ITGA7: variants seen among roughly 807,000 people sequenced by gnomAD.
ITGA7 encodes the protein integrin alpha-7.
A neutral mutation model predicts 131.6 loss-of-function variants in ITGA7; 84 were observed. That is an observed-to-expected ratio of 0.64 (90% confidence interval 0.54 to 0.77). The LOEUF is 0.77. ITGA7 is among the 30% of genes least tolerant of loss of function. The pLI is 0.00. For missense variants in ITGA7, 1,399 were observed against 1,482.9 expected, an observed-to-expected ratio of 0.94 and a Z score of 0.93; for synonymous variants, 548 against 600.7, an observed-to-expected ratio of 0.91 and a Z score of 1.28.
rs1031087026 is a variant in ITGA7, at chr12:55,698,516, A to T, written c.1059T>A (p.Gly353=). Reference sequence around the variant, plus strand: ...CCTGGTTCAAGTACACATACACAGCACCCCCCAGCTCTTCTTGGCGCTCAA... The same window carrying T: ...CCTGGTTCAAGTACACATACACAGCTCCCCCCAGCTCTTCTTGGCGCTCAA... The part of the protein sequence containing the change: ...YFFERQEELG[G]AVYVYLNQGG... The change falls in exon 7 of 25, where the codon GGT becomes GGA. Residue 353 remains glycine (G), a synonymous_variant. Transcript: ENST00000257879. The T allele has an allele frequency of 1.2e-6, 2 of 1,613,580 alleles. No homozygotes were observed. The highest frequency in any genetic ancestry group is 3.3e-5 in the Admixed American group (2 of 59,972).
intron 1 of ITGA7, among the ~76,000 whole-genome samples, chr12:55,705,918 T>G (rs2136091352): frequency 6.6e-6 from 1 of 152,278 alleles, no homozygotes; most frequent in South Asian, 2.1e-4. Flanking sequence ...GCAGGCCACC[T>G]GCAACTCAAA....
At chr12:55,685,998 A>C (rs2135937405) in intron 24 of ITGA7, among the ~76,000 whole-genome samples, 1 of 152,316 alleles carries the variant, frequency 6.6e-6, no homozygotes, top group African/African-American at 2.4e-5. Context: ...CCATGAGCCC[A>C]CCAACCCTTT....
intron 14 of ITGA7, 98 bp from the exon 15 acceptor site, chr12:55,695,068 G>T: frequency 8.1e-7 from 1 of 1,237,244 alleles, no homozygotes; most frequent in Non-Finnish European, 1.1e-6. Flanking sequence ...CACTCCCTGA[G>T]CCTCTCTTCC....
upstream of ITGA7, among the ~76,000 whole-genome samples, chr12:55,715,667 G>C (rs1876460465): frequency 6.6e-6 from 1 of 152,166 alleles, no homozygotes; most frequent in African/African-American, 2.4e-5. Context: ...AAGAAAGAGG[G>C]TTGGGAGAGA....
At chr12:55,699,061 T>C in intron 5 of ITGA7, 144 bp from the exon 6 acceptor site, 1 of 743,174 alleles carries the variant, frequency 1.3e-6, no homozygotes, top group Non-Finnish European at 2.3e-6. Context: ...TCCCCTAGGT[T>C]AAGAGCCAAA....
chr12:55,689,277 G>C (rs754612894), intron 21 of ITGA7, among the ~76,000 whole-genome samples: 1 of 152,156 alleles, frequency 6.6e-6, no homozygotes, highest in African/African-American at 2.4e-5. Context: ...CTTAAGCTTC[G>C]CAATAGTCCT....
At chr12:55,686,633 C>T (rs1040948409) in intron 24 of ITGA7, among the ~76,000 whole-genome samples, 1 of 152,178 alleles carries the variant, frequency 6.6e-6, no homozygotes, top group South Asian at 2.1e-4. Flanking sequence ...ACATAGCCCC[C>T]GATGTGGCAG....
intron 13 of ITGA7, among the ~76,000 whole-genome samples, chr12:55,696,076 T>C (rs1212440218): frequency 6.6e-6 from 1 of 152,218 alleles, no homozygotes; most frequent in Non-Finnish European, 1.5e-5. Context: ...CCCATCAACC[T>C]GAGCCCCCTG....
chr12:55,691,631 G>A (rs1871434076), intron 21 of ITGA7, among the ~76,000 whole-genome samples: 1 of 152,012 alleles, frequency 6.6e-6, no homozygotes, highest in South Asian at 2.1e-4. Flanking sequence ...ATTTTAACAT[G>A]AAAACAAAAA....
upstream of ITGA7, chr12:55,716,357 C>T: frequency 6.9e-7 from 1 of 1,455,060 alleles, no homozygotes; most frequent in Non-Finnish European, 9.0e-7. Context: ...TTTGAAACTC[C>T]TTTCCCTTGC....
chr12:55,695,509 C>G lies in ITGA7; in HGVS notation c.2003+13G>C. On this transcript the variant is annotated intron_variant, in intron 14 of 24. Transcript: ENST00000257879. ...TGCCCTCCCACCCCCACCCTGCTCT[C>G]TGCCCCCCTCACATGGGCAGAGGTT... 1 of 1,351,688 alleles carries G rather than the reference C, an allele frequency of 7.4e-7. No individual in the cohort carries two copies. Among genetic ancestry groups the G allele is most frequent in the African/African-American group, 1.4e-5 (1 of 69,524 alleles). 83.7% of individuals were successfully genotyped at this position (1,351,688 alleles called of 1,614,324 possible).
chr12:55,707,835 CG>C lies in ITGA7; in HGVS notation c.-154del. 13 of 1,467,650 alleles carry C rather than the reference CG, an allele frequency of 8.9e-6. No homozygotes were observed. The highest frequency in any genetic ancestry group is 1.1e-5 in the Non-Finnish European group (12 of 1,110,250). The allele number at this position is 1,467,650 out of a possible 1,614,324, so 90.9% of individuals were successfully genotyped here. ...CGCCCCGCCAGCCCTCCCGCCCGCC[CG>C]CCGCTCCGCCACCCCGCCGCCCCAG... On this transcript the variant is annotated 5_prime_UTR_variant, in exon 1 of 25. Transcript: ENST00000257879.
At chr12:55,700,238 T>C in intron 4 of ITGA7, 1 of 1,594,304 alleles carries the variant, frequency 6.3e-7, no homozygotes, top group Non-Finnish European at 8.5e-7. Flanking sequence ...TTAGAGCAGT[T>C]CTGGGCCGGG....
rs1555162963 is a variant in ITGA7, at chr12:55,697,956, A to C, written c.1263T>G (p.Val421=). 1.2e-6 allele frequency: 2 copies of C among 1,614,130 alleles called. No homozygotes were observed. Among genetic ancestry groups the C allele is most frequent in the Non-Finnish European group, 1.7e-6 (2 of 1,180,026 alleles). ...CCCTCACCTGTGAAGGTTTGGCGAC[A>C]ACCCCCAGGCTGCTCCCATGGTAGA... ...VFIYHGSSLG[V]VAKPSQVLEG... is the part of the protein sequence containing the mutation. Residue 421 remains valine, a synonymous_variant, in exon 8 of 25, where the codon GTT becomes GTG. Transcript: ENST00000257879.
At chr12:55,696,844 GA>G in intron 12 of ITGA7, 54 bp downstream of exon 12, 1 of 1,597,410 alleles carries the variant, frequency 6.3e-7, no homozygotes, top group South Asian at 1.1e-5. Flanking sequence ...AGGAATCAGG[GA>G]AAAGAGATGG....
In ITGA7 at chr12:55,698,745, G is replaced by A. The variant is rs1408233852; in HGVS notation, c.963C>T (p.Gly321=). Residue 321 remains glycine (G), a synonymous_variant, in exon 6 of 25, where the codon GGC becomes GGT. Transcript: ENST00000257879. ...LSGERLTSGF[G]YSLAVADLNS... The stretch of plus-strand genomic sequence containing the variant: ...TGAGGTCAGCCACAGCCAGTGAGTA[G>A]CCAAAGCCGGAGGTCAGGCGCTCCC... 2 of 1,614,018 alleles carry A rather than the reference G, an allele frequency of 1.2e-6. No individual in the cohort carries two copies. The highest frequency in any genetic ancestry group is 1.7e-6 in the Non-Finnish European group (2 of 1,180,032).
Position 55,707,544 on chromosome 12 carries a change from C to T in ITGA7, c.139G>A (p.Glu47Lys), listed in dbSNP as rs77929806. ...DVMGALRKEGEPGSLFGFSVA... is the reference protein window; with the variant it reads ...DVMGALRKEGKPGSLFGFSVA... ...GAGAAGCCGAAGAGGCTGCCTGGCT[C>T]GCCCTCCTTGCGCAAGGCACCCATC... is the stretch of plus-strand genomic sequence containing the variant. Residue 47 changes from glutamate to lysine, a missense_variant, in exon 1 of 25, where the codon GAG becomes AAG. By Grantham distance (56) the Glu-to-Lys change is moderately conservative (BLOSUM62 1). Transcript: ENST00000257879. The T allele has an allele frequency of 1.4e-4, 232 of 1,613,962 alleles. 1 individual carries two copies. The African/African-American group carries it at 2.9e-3, about 20-fold the overall frequency.
rs1875517187 is a variant in ITGA7 at position 55,707,650 on chromosome 12, C to A, written c.33G>T (p.Gly11=). The part of the protein sequence containing the change: MAGARSRDPW[G]ASGICYLFGS... ...CAAAAAGGTAGCAAATCCCGGAGGC[C>A]CCCCAAGGGTCGCGGCTCCGAGCCC... Residue 11 remains glycine, a synonymous_variant, in exon 1 of 25, where the codon GGG becomes GGT. Coordinates refer to ENST00000257879, the MANE Select transcript of ITGA7 (RefSeq NM_002206.3). 6.3e-7 allele frequency: 1 copy of A among 1,596,210 alleles called. No individual in the cohort carries two copies. Among genetic ancestry groups the A allele is most frequent in the Admixed American group, 1.8e-5 (1 of 57,140 alleles).
At chr12:55,712,161 T>C (rs1029856777), upstream of ITGA7, 3 of 1,551,316 alleles carry the variant, frequency 1.9e-6, no homozygotes, top group East Asian at 2.4e-5. Flanking sequence ...ATAAATGTGA[T>C]TGAGGGAATT....
Sources: allele counts gnomAD v4.1 joint callset (sites outside exome capture counted in the v4.1 genomes callset), GRCh38; gene constraint gnomAD v4.1.1; transcripts MANE v1.5; gene names NCBI Gene and HGNC (gene_info 2026-07-23, HGNC 2026-07-21).